The following LYPD6B variants were observed in gnomAD, a reference collection of about 807,000 sequenced individuals.
LYPD6B encodes LY6/PLAUR domain containing 6B, also known as ly6/PLAUR domain-containing protein 6B.
A neutral mutation model predicts 22.8 loss-of-function variants in LYPD6B; 17 were observed. The ratio of observed to expected loss-of-function variants is 0.75; its 90% confidence interval spans 0.51 to 1.12. The LOEUF is 1.12. Among genes scored for constraint, LYPD6B ranks in the 50% most tolerant of loss-of-function variants. LYPD6B has a pLI of 0.00. For missense variants in LYPD6B, 221 were observed against 258.3 expected, an observed-to-expected ratio of 0.86 and a Z score of 0.99; for synonymous variants, 106 against 91.6, an observed-to-expected ratio of 1.16 and a Z score of -0.90.
chr2:149,041,090 C>A (rs1683060890), intron 1 of LYPD6B, among the ~76,000 whole-genome samples: 1 of 128,606 alleles, frequency 7.8e-6, no homozygotes, highest in Non-Finnish European at 1.6e-5. Flanking sequence ...CAGAGCAAGA[C>A]TCCGTCTCAA....
chr2:149,070,384 G>C (rs1684542268), intron 1 of LYPD6B, among the ~76,000 whole-genome samples: 1 of 152,192 alleles, frequency 6.6e-6, no homozygotes, highest in Admixed American at 6.5e-5. Context: ...TTCATATTCT[G>C]CTTCTTAATT....
At chr2:149,193,591 T>TC (rs754221859) in intron 3 of LYPD6B, among the ~76,000 whole-genome samples, 3 of 152,100 alleles carry the variant, frequency 2.0e-5, no homozygotes, top group African/African-American at 4.8e-5. Context: ...GGAAAGGGCT[T>TC]CCCTGGACAC....
intron 1 of LYPD6B, among the ~76,000 whole-genome samples, chr2:149,075,836 C>T (rs1401795721): frequency 6.6e-6 from 1 of 152,164 alleles, no homozygotes; most frequent in African/African-American, 2.4e-5. Flanking sequence ...GATATGTAAT[C>T]CATATAATTT....
intron 1 of LYPD6B, among the ~76,000 whole-genome samples, chr2:149,075,064 A>ACT: frequency 6.6e-6 from 1 of 152,216 alleles, no homozygotes; most frequent in Non-Finnish European, 1.5e-5. Flanking sequence ...TTCATAAAAC[A>ACT]TGGTGAGCCA....
chr2:149,120,861 G>A (rs957439978), intron 1 of LYPD6B, among the ~76,000 whole-genome samples: 1 of 133,218 alleles, frequency 7.5e-6, no homozygotes, highest in African/African-American at 3.0e-5. Context: ...GCGTGATCTC[G>A]GCTCATTGCA....
intron 3 of LYPD6B, among the ~76,000 whole-genome samples, chr2:149,196,303 C>G (rs184414666): frequency 4.6e-5 from 7 of 152,226 alleles, no homozygotes; most frequent in Admixed American, 3.9e-4. Context: ...ATAATCTGTT[C>G]TGGATTTTGT....
intron 1 of LYPD6B, among the ~76,000 whole-genome samples, chr2:149,125,313 A>G (rs1228767751): frequency 6.6e-6 from 1 of 151,936 alleles, no homozygotes; most frequent in East Asian, 1.9e-4. Context: ...GGATAAGTAG[A>G]TTACTCTCTA....
At chr2:149,159,593 T>C (rs1575086267) in intron 2 of LYPD6B, among the ~76,000 whole-genome samples, 1 of 94,518 alleles carries the variant, frequency 1.1e-5, no homozygotes, top group Non-Finnish European at 2.3e-5. Flanking sequence ...TGTGTGCGTG[T>C]GTGTGTGTGT....
chr2:149,160,782 A>C lies in LYPD6B; in HGVS notation c.24A>C (p.Ala8=). The C allele has an allele frequency of 6.4e-7, 1 of 1,556,086 alleles. No individual in the cohort carries two copies. Among genetic ancestry groups the C allele is most frequent in the Non-Finnish European group, 8.7e-7 (1 of 1,148,684 alleles). Residue 8 remains alanine (A), a synonymous_variant, in exon 3 of 7, where the codon GCA becomes GCC. Coordinates refer to ENST00000409642, the MANE Select transcript of LYPD6B (RefSeq NM_177964.5). Reference sequence around the variant, plus strand: ...CTGGTAGGCTGATTACTCTGAGTGCAAACCTTTTCACTGTTCCAGAGAGGA... The same window carrying C: ...CTGGTAGGCTGATTACTCTGAGTGCCAACCTTTTCACTGTTCCAGAGAGGA... MLLITLS[A]NLFTVPERSL...
intron 4 of LYPD6B, among the ~76,000 whole-genome samples, chr2:149,207,839 T>G (rs1398056227): frequency 6.6e-6 from 1 of 152,090 alleles, no homozygotes. Context: ...CTGCAAGTCA[T>G]GGGGATCTTC....
intron 1 of LYPD6B, among the ~76,000 whole-genome samples, chr2:149,105,645 T>C (rs961944120): frequency 1.3e-5 from 2 of 152,188 alleles, no homozygotes; most frequent in African/African-American, 4.8e-5. Context: ...TTTGTGTATT[T>C]ATCTTACTGC....
intron 1 of LYPD6B, among the ~76,000 whole-genome samples, chr2:149,097,976 CATT>C (rs1420004730): frequency 2.0e-5 from 3 of 152,030 alleles, no homozygotes; most frequent in Non-Finnish European, 4.4e-5. Context: ...GAAAAATAAT[CATT>C]GAGTGAAATA....
At chr2:149,187,904 A>G (rs190000548) in intron 3 of LYPD6B, among the ~76,000 whole-genome samples, 228 of 152,358 alleles carry the variant, frequency 1.5e-3, no homozygotes, top group African/African-American at 5.2e-3. Flanking sequence ...AATTAATTAA[A>G]ATGTGGCTTT....
At chr2:149,088,221 C>T (rs1235513662) in intron 1 of LYPD6B, among the ~76,000 whole-genome samples, 1 of 152,104 alleles carries the variant, frequency 6.6e-6, no homozygotes, top group Non-Finnish European at 1.5e-5. Context: ...TCTAAGACAT[C>T]TAGAAAACAG....
At chr2:149,180,565 A>G (rs951509261) in intron 3 of LYPD6B, among the ~76,000 whole-genome samples, 6 of 152,224 alleles carry the variant, frequency 3.9e-5, no homozygotes, top group African/African-American at 1.4e-4. Context: ...TGAATGAGTC[A>G]GAGGAAGTAT....
chr2:149,202,844 C>G (rs989483228), intron 3 of LYPD6B, among the ~76,000 whole-genome samples: 1 of 152,124 alleles, frequency 6.6e-6, no homozygotes, highest in African/African-American at 2.4e-5. Flanking sequence ...TAAAAATTAG[C>G]AAAATTCCAC....
rs1553478975 is a variant in LYPD6B at position 149,072,521 on chromosome 2, T to TATTTTATTTTATTTTATTTTATTTC, written c.-67+33734_-67+33735insTATTTTATTTCATTTTATTTTATTT. On this transcript the variant is annotated intron_variant, in intron 1 of 6. Transcript: ENST00000409642. ...TATTTTATTTTATTTTATTTTATTT[T>TATTTTATTTTATTTTATTTTATTTC]ATTTTATTTTATTTCATTTTATTTT... 7.0e-3 allele frequency among the ~76,000 whole-genome samples: 1,001 copies of TATTTTATTTTATTTTATTTTATTTC among 143,506 alleles called. 5 individuals are homozygous for TATTTTATTTTATTTTATTTTATTTC. Among genetic ancestry groups the TATTTTATTTTATTTTATTTTATTTC allele is most frequent in the Non-Finnish European group, 0.011 (744 of 66,644 alleles). The allele number at this position is 143,506 out of a possible 152,430, so 94.1% of individuals were successfully genotyped here. A position where few individuals can be genotyped will look rare whatever the true frequency, so the allele number is the denominator to read the frequency against.
chr2:149,215,120 C>G lies in LYPD6B; in HGVS notation c.*410C>G, dbSNP rs1321648908. On this transcript the variant is annotated 3_prime_UTR_variant, in exon 7 of 7. Transcript: ENST00000409642. ...GCATCTCTATGAAATCTAACCCTTC[C>G]CCTCATGAGAAAGCAGTTTTCCCCA... The G allele has an allele frequency of 1.2e-5, 2 of 162,256 alleles. No individual in the cohort carries two copies. Among genetic ancestry groups the G allele is most frequent in the Non-Finnish European group, 2.7e-5 (2 of 74,818 alleles). The allele number at this position is 162,256 out of a possible 1,614,324, so 10.1% of individuals were successfully genotyped here. A position where few individuals can be genotyped will look rare whatever the true frequency, so the allele number is the denominator to read the frequency against.
At chr2:149,146,179 C>T (rs1038161260) in intron 2 of LYPD6B, among the ~76,000 whole-genome samples, 1 of 152,180 alleles carries the variant, frequency 6.6e-6, no homozygotes, top group African/African-American at 2.4e-5. Flanking sequence ...TGTAATTATA[C>T]AAGCACGTGC....
Sources: allele counts gnomAD v4.1 joint callset (sites outside exome capture counted in the v4.1 genomes callset), GRCh38; gene constraint gnomAD v4.1.1; transcripts MANE v1.5; gene names NCBI Gene and HGNC (gene_info 2026-07-23, HGNC 2026-07-21).